The following FAAH variants were observed in gnomAD, a reference collection of about 807,000 sequenced individuals.
The protein encoded by FAAH is fatty acid amide hydrolase, also known as fatty-acid amide hydrolase 1.
FAAH carries 63 observed loss-of-function variants against 69.7 expected under a neutral mutation model. The observed-to-expected ratio is 0.90, with a 90% CI of 0.74 to 1.12. The LOEUF is 1.12. Among genes scored for constraint, FAAH ranks in the 50% most tolerant of loss-of-function variants. The pLI is 0.00. For missense variants in FAAH, 680 were observed against 755.0 expected (o/e 0.90, Z 1.16); for synonymous variants, 305 against 324.2 (o/e 0.94, Z 0.64).
chr1:46,409,145 C>T lies in FAAH; in HGVS notation c.1122C>T (p.Thr374=). The change falls in exon 9 of 15, where the codon ACC becomes ACT. Residue 374 remains threonine (T), a synonymous_variant. Coordinates refer to ENST00000243167, the MANE Select transcript of FAAH (RefSeq NM_001441.3). ...LPSNIPHALE[T]LSTGGLFSDG... is the part of the protein sequence containing the mutation. ...GCAACATACCCCATGCTCTGGAGAC[C>T]CTGTCAACAGGTGGGCTCTTCAGTG... is the stretch of plus-strand genomic sequence containing the variant. 1.2e-6 allele frequency: 2 copies of T among 1,614,018 alleles called. No individual in the cohort carries two copies. The highest frequency in any genetic ancestry group is 1.7e-6 in the Non-Finnish European group (2 of 1,180,002).
At chr1:46,402,024 C>T (rs755485720) in intron 1 of FAAH, 67 bp from the exon 2 acceptor site, 16 of 1,342,684 alleles carry the variant, frequency 1.2e-5, no homozygotes, top group Non-Finnish European at 1.7e-5. Flanking sequence ...GCATGGGCCA[C>T]TGGTGTCTGC....
Position 46,413,707 on chromosome 1 carries a change from C to A in FAAH, c.*132C>A. 7.3e-7 allele frequency: 1 copy of A among 1,369,510 alleles called. No individual in the cohort carries two copies. The highest frequency in any genetic ancestry group is 1.9e-5 in the Admixed American group (1 of 53,148). The allele number at this position is 1,369,510 out of a possible 1,614,324, so 84.8% of individuals were successfully genotyped here. On this transcript the variant is annotated 3_prime_UTR_variant, in exon 15 of 15. Transcript: ENST00000243167. ...GGCTTCCGTGTCCTCTCCCCCAACC[C>A]CCTGCAAGAAGCGCCGACTCCCTGA... is the stretch of plus-strand genomic sequence containing the variant.
chr1:46,397,782 C>G (rs1034957857), intron 1 of FAAH, among the ~76,000 whole-genome samples: 1 of 151,214 alleles, frequency 6.6e-6, no homozygotes, highest in Non-Finnish European at 1.5e-5. Context: ...TGGCTGGCCT[C>G]GACCTCCCGA....
intron 1 of FAAH, among the ~76,000 whole-genome samples, chr1:46,394,833 C>A (rs976570090): frequency 6.6e-6 from 1 of 152,202 alleles, no homozygotes; most frequent in East Asian, 1.9e-4. Context: ...TATTGGAATG[C>A]GAAAACGCAA....
At chr1:46,409,226 G>A (rs987677722) in intron 9 of FAAH, 28 bp downstream of exon 9, 1 of 1,571,996 alleles carries the variant, frequency 6.4e-7, no homozygotes, top group African/African-American at 1.4e-5. Context: ...TTGGGGTCTT[G>A]GTGGGATCAG....
Position 46,406,512 on chromosome 1 carries a change from G to A in FAAH, c.951+144G>A, listed in dbSNP as rs1477116963. On this transcript the variant is annotated intron_variant, in intron 7 of 14. Transcript: ENST00000243167. ...CAGGGCGGGTTGCTCCTCCACAGAC[G>A]GCCACCAGATGGAGCCCTTGCCTGC... 4 of 1,035,590 alleles carry A rather than the reference G, an allele frequency of 3.9e-6. No homozygotes were observed. In the African/African-American group the frequency reaches 4.8e-5, roughly 12 times the overall value. The allele number at this position is 1,035,590 out of a possible 1,614,324, so 64.2% of individuals were successfully genotyped here.
In FAAH at chr1:46,413,689, G is replaced by A. The variant is rs199711276; in HGVS notation, c.*114G>A. 7 of 1,492,156 alleles carry A rather than the reference G, an allele frequency of 4.7e-6. No homozygotes were observed. Among genetic ancestry groups the A allele is most frequent in the South Asian group, 2.3e-5 (2 of 86,070 alleles). 92.4% of individuals were successfully genotyped at this position (1,492,156 alleles called of 1,614,324 possible). A position where few individuals can be genotyped will look rare whatever the true frequency, so the allele number is the denominator to read the frequency against. On this transcript the variant is annotated 3_prime_UTR_variant, in exon 15 of 15. Coordinates refer to ENST00000243167, the MANE Select transcript of FAAH (RefSeq NM_001441.3). ...TGTCCTGCATGGGGCAGAGGCTTCCGTGTCCTCTCCCCCAACCCCCTGCAA... is the reference window on the plus strand; with the variant it reads ...TGTCCTGCATGGGGCAGAGGCTTCCATGTCCTCTCCCCCAACCCCCTGCAA...
At chr1:46,398,659 G>A (rs1038802057) in intron 1 of FAAH, among the ~76,000 whole-genome samples, 1 of 151,826 alleles carries the variant, frequency 6.6e-6, no homozygotes, top group Non-Finnish European at 1.5e-5. Flanking sequence ...TCAGCCTCCT[G>A]GAGTAGCTAG....
At chr1:46,396,403 C>T (rs1018192440) in intron 1 of FAAH, among the ~76,000 whole-genome samples, 1 of 152,224 alleles carries the variant, frequency 6.6e-6, no homozygotes, top group African/African-American at 2.4e-5. Flanking sequence ...TCCTCTTTCA[C>T]TGATCCTCCT....
rs1169247708 is a variant in FAAH, at chr1:46,406,270, C to T, written c.853C>T (p.Arg285Trp). 3.7e-6 allele frequency: 6 copies of T among 1,614,044 alleles called. No homozygotes were observed. Among genetic ancestry groups the T allele is most frequent in the South Asian group, 3.3e-5 (3 of 91,082 alleles). ...GCGTCTCTCCGTGGGCCCCATGGCC[C>T]GGGACGTGGAGAGCCTGGCACTGTG... The part of the protein sequence containing the change: ...AVRLSVGPMA[R>W]DVESLALCLR... Residue 285 changes from arginine to tryptophan, a missense_variant, in exon 7 of 15, where the codon CGG (arginine) becomes TGG (tryptophan). By Grantham distance (101) the Arg-to-Trp change is moderately radical (BLOSUM62 -3). Coordinates refer to ENST00000243167, the MANE Select transcript of FAAH (RefSeq NM_001441.3).
chr1:46,403,828 T>TG (rs1166369380), intron 2 of FAAH, among the ~76,000 whole-genome samples: 3 of 152,228 alleles, frequency 2.0e-5, no homozygotes, highest in Non-Finnish European at 2.9e-5. Context: ...CTCTTTCCCA[T>TG]GGGGGGTCTT....
intron 1 of FAAH, among the ~76,000 whole-genome samples, chr1:46,395,613 C>T (rs1383299088): frequency 6.6e-6 from 1 of 152,176 alleles, no homozygotes; most frequent in Non-Finnish European, 1.5e-5. Context: ...ATCTGTGGGA[C>T]CTGACAGGTG....
At chr1:46,398,865 G>C (rs1200949073) in intron 1 of FAAH, among the ~76,000 whole-genome samples, 3 of 152,208 alleles carry the variant, frequency 2.0e-5, no homozygotes, top group Non-Finnish European at 4.4e-5. Flanking sequence ...GACACAGCTG[G>C]ATGAAGGGGT....
rs1456829446 is a variant in FAAH, at chr1:46,413,725, C to T, written c.*150C>T. 2 of 1,116,884 alleles carry T rather than the reference C, an allele frequency of 1.8e-6. No homozygotes were observed. Among genetic ancestry groups the T allele is most frequent in the Non-Finnish European group, 2.6e-6 (2 of 769,356 alleles). 69.2% of individuals were successfully genotyped at this position (1,116,884 alleles called of 1,614,324 possible). ...CCCAACCCCCTGCAAGAAGCGCCGA[C>T]TCCCTGAGTCTGGACCTCCATCCCT... is the stretch of plus-strand genomic sequence containing the variant. On this transcript the variant is annotated 3_prime_UTR_variant, in exon 15 of 15. Transcript: ENST00000243167.
chr1:46,401,444 C>G (rs1478631468), intron 1 of FAAH, among the ~76,000 whole-genome samples: 2 of 152,104 alleles, frequency 1.3e-5, no homozygotes, highest in East Asian at 3.9e-4. Context: ...AATGTGTAAA[C>G]CCTTCCTTTT....
Position 46,405,282 on chromosome 1 carries a change from G to A in FAAH, c.445-90G>A, listed in dbSNP as rs1664770871. The A allele has an allele frequency of 1.9e-6, 3 of 1,606,718 alleles. No individual in the cohort carries two copies. The East Asian group carries it at 6.7e-5, about 36-fold the overall frequency. ...CTTCCGAGGGGACACTGGTATACCT[G>A]TTTTGGCCTGTGTGACAGTTGTTGG... On this transcript the variant is annotated intron_variant, in intron 3 of 14. Coordinates refer to ENST00000243167, the MANE Select transcript of FAAH (RefSeq NM_001441.3). This position sits in a 1 kb window ranked among gnomAD's most constrained non-coding sequence, Gnocchi z 4.1.
chr1:46,399,720 A>G (rs1390617578), intron 1 of FAAH, among the ~76,000 whole-genome samples: 2 of 152,250 alleles, frequency 1.3e-5, no homozygotes, highest in African/African-American at 2.4e-5. Context: ...AATGAAAACA[A>G]AAATAAAGCA....
In FAAH at chr1:46,405,976, G is replaced by T; in HGVS notation, c.786-62G>T. Reference sequence around the variant, plus strand: ...CGGTGAGTGTTCAGAGCTGCTCTGTGGGTGTGGGGATGGCGGCGGGTGGCC... The same window carrying T: ...CGGTGAGTGTTCAGAGCTGCTCTGTTGGTGTGGGGATGGCGGCGGGTGGCC... On this transcript the variant is annotated intron_variant, in intron 5 of 14. Transcript: ENST00000243167. The surrounding 1 kb of genome is among the most constrained non-coding windows in gnomAD (Gnocchi z 4.1). The T allele has an allele frequency of 6.2e-7, 1 of 1,613,684 alleles. No individual in the cohort carries two copies. Among genetic ancestry groups the T allele is most frequent in the Non-Finnish European group, 8.5e-7 (1 of 1,179,926 alleles).
At position 46,405,572 on chromosome 1, in the gene FAAH, T is replaced by C. The variant is rs201872574; in HGVS notation, c.579-16T>C. 88 of 1,613,220 alleles carry C rather than the reference T, an allele frequency of 5.5e-5. No individual in the cohort carries two copies. The highest frequency in any genetic ancestry group is 7.2e-5 in the Non-Finnish European group (85 of 1,180,024). On this transcript the variant is annotated splice_polypyrimidine_tract_variant and intron_variant, in intron 4 of 14. Transcript: ENST00000243167. This position sits in a 1 kb window ranked among gnomAD's most constrained non-coding sequence, Gnocchi z 4.1. ...TCCCAGCATGGCACGGGCTGACCCA[T>C]TCTTGGCTCCTCCAGCTATGACTGC...
Sources: gnomAD v4.1 joint callset for allele counts (sites outside exome capture counted in the v4.1 genomes callset) on GRCh38, gnomAD v4.1.1 for gene constraint, Gnocchi (gnomAD v3.1) non-coding constraint, MANE v1.5 for transcripts, NCBI Gene and HGNC (gene_info 2026-07-23, HGNC 2026-07-21) for gene names.